The following RGS7 variants were observed in gnomAD, a reference collection of about 807,000 sequenced individuals.
RGS7 encodes the protein regulator of G-protein signaling 7.
Under a neutral mutation model 81.1 loss-of-function variants are expected in RGS7, and 27 were observed. The ratio of observed to expected loss-of-function variants is 0.33; its 90% CI spans 0.25 to 0.46. The LOEUF (loss-of-function observed/expected upper bound fraction) is 0.46, where lower values mean the gene tolerates loss of function less well. Among genes scored for constraint, RGS7 ranks in the 20% least tolerant of loss-of-function variants. The pLI, the probability that RGS7 is intolerant of heterozygous loss-of-function variation, is 1.00. For missense variants in RGS7, 396 were observed against 607.4 expected, an observed-to-expected ratio of 0.65 and a Z score of 3.66; for synonymous variants, 208 against 207.7, an observed-to-expected ratio of 1.00 and a Z score of -0.01.
At chr1:240,936,924 T>C (rs1168466693) in intron 4 of RGS7, among the ~76,000 whole-genome samples, 1 of 152,150 alleles carries the variant, frequency 6.6e-6, no homozygotes, top group East Asian at 1.9e-4. Flanking sequence ...CCAGTCCCAG[T>C]CTGTAACTCA....
intron 4 of RGS7, among the ~76,000 whole-genome samples, chr1:240,972,696 T>TAA (rs34149848): frequency 2.9e-5 from 3 of 103,614 alleles, no homozygotes; most frequent in African/African-American, 7.5e-5. Context: ...TAAAGTATAA[T>TAA]AAAAAAAAAA....
chr1:240,864,569 C>T (rs551967605), intron 9 of RGS7, among the ~76,000 whole-genome samples: 11 of 152,258 alleles, frequency 7.2e-5, no homozygotes, highest in South Asian at 2.1e-4. Context: ...CTAAGTCTTG[C>T]GTTCCTGCAC....
intron 15 of RGS7, among the ~76,000 whole-genome samples, chr1:240,804,868 G>T (rs1248533663): frequency 1.3e-5 from 2 of 152,094 alleles, no homozygotes; most frequent in Non-Finnish European, 2.9e-5. Flanking sequence ...CTACACAGTT[G>T]CTGATTTCTT....
At chr1:241,329,719 G>C (rs1454614473) in intron 2 of RGS7, among the ~76,000 whole-genome samples, 1 of 152,142 alleles carries the variant, frequency 6.6e-6, no homozygotes, top group Non-Finnish European at 1.5e-5. Flanking sequence ...GCTGTCCTCA[G>C]TACCAGGTAA....
intron 2 of RGS7, among the ~76,000 whole-genome samples, chr1:241,198,471 A>G (rs559088705): frequency 1.3e-5 from 2 of 152,166 alleles, no homozygotes; most frequent in East Asian, 1.9e-4. Context: ...AAAAAGGCAG[A>G]AAAAAATCCA....
chr1:240,996,923 T>C (rs188020760), intron 3 of RGS7, among the ~76,000 whole-genome samples: 47 of 152,262 alleles, frequency 3.1e-4, no homozygotes, highest in Middle Eastern at 3.4e-3. Flanking sequence ...TTAATATTTT[T>C]TAAAATCCAT....
intron 2 of RGS7, among the ~76,000 whole-genome samples, chr1:241,118,746 A>C (rs147063580): frequency 2.8e-3 from 430 of 152,298 alleles, no homozygotes; most frequent in Middle Eastern, 0.02. Context: ...TCCCAGCAAC[A>C]TGGAGGAGAG....
chr1:240,900,496 T>C (rs769293207), intron 6 of RGS7, among the ~76,000 whole-genome samples: 9 of 152,298 alleles, frequency 5.9e-5, no homozygotes, highest in Middle Eastern at 3.4e-3. Flanking sequence ...TTCTGTTTGT[T>C]AGTTTTCCCT....
intron 2 of RGS7, among the ~76,000 whole-genome samples, chr1:241,351,737 G>A (rs1558350868): frequency 6.6e-6 from 1 of 152,180 alleles, no homozygotes; most frequent in African/African-American, 2.4e-5. Context: ...ATAGGAGAAA[G>A]GTGAGGGGAA....
chr1:241,312,477 C>T (rs2080600818), intron 2 of RGS7, among the ~76,000 whole-genome samples: 1 of 152,208 alleles, frequency 6.6e-6, no homozygotes, highest in African/African-American at 2.4e-5. Context: ...ATTCTTCCCA[C>T]AGTGTTTCAA....
intron 2 of RGS7, among the ~76,000 whole-genome samples, chr1:241,114,472 G>T (rs1254149563): frequency 6.6e-6 from 1 of 151,548 alleles, no homozygotes; most frequent in Non-Finnish European, 1.5e-5. Flanking sequence ...TTTTCATTTT[G>T]GTGACCTTCA....
At chr1:240,993,102 G>GGAGGGAGA (rs1686723032) in intron 3 of RGS7, among the ~76,000 whole-genome samples, 1 of 114,102 alleles carries the variant, frequency 8.8e-6, no homozygotes, top group South Asian at 3.5e-4. Context: ...AAGGAGGGAG[G>GGAGGGAGA]GAGGGAGGGA....
At chr1:241,194,812 T>C (rs957117140) in intron 2 of RGS7, among the ~76,000 whole-genome samples, 6 of 152,142 alleles carry the variant, frequency 3.9e-5, no homozygotes, top group Non-Finnish European at 8.8e-5. Flanking sequence ...CCAAAGCAGT[T>C]ACTAAAGGCT....
At chr1:241,035,414 C>T (rs531329741) in intron 3 of RGS7, among the ~76,000 whole-genome samples, 64 of 151,952 alleles carry the variant, frequency 4.2e-4, no homozygotes, top group Non-Finnish European at 7.1e-4. Context: ...TATAGGAATT[C>T]GGAGAAGGGA....
chr1:241,124,336 A>G (rs2066501475), intron 2 of RGS7, among the ~76,000 whole-genome samples: 4 of 152,102 alleles, frequency 2.6e-5, no homozygotes. Flanking sequence ...TTGAGGCTGC[A>G]GTGAACTCCA....
chr1:241,292,956 A>G (rs1351920815), intron 2 of RGS7, among the ~76,000 whole-genome samples: 1 of 152,240 alleles, frequency 6.6e-6, no homozygotes, highest in Non-Finnish European at 1.5e-5. Flanking sequence ...GTTCTCAAAT[A>G]CCATTAAACG....
intron 5 of RGS7, among the ~76,000 whole-genome samples, chr1:240,932,513 C>CTTTTTTTT (rs56232293): frequency 0.54 from 68,243 of 126,706 alleles, 20,196 homozygotes; most frequent in Middle Eastern, 0.62. Flanking sequence ...TAGGGTGTCA[C>CTTTTTTTT]TTTTTTTTTT....
chr1:240,974,907 G>GA (rs138869199), intron 4 of RGS7, among the ~76,000 whole-genome samples: 1,674 of 142,028 alleles, frequency 0.012, 18 homozygotes, highest in African/African-American at 0.026. Context: ...CAGAGGAAGG[G>GA]AAAAAAAAAA....
intron 9 of RGS7, among the ~76,000 whole-genome samples, chr1:240,863,758 G>A (rs2995378): frequency 0.74 from 112,592 of 151,814 alleles, 41,960 homozygotes; most frequent in Middle Eastern, 0.83. Flanking sequence ...TGTGAAAACC[G>A]TTTTAAAATA....
Sources: allele counts gnomAD v4.1 joint callset (sites outside exome capture counted in the v4.1 genomes callset), GRCh38; gene constraint gnomAD v4.1.1; transcripts MANE v1.5; gene names NCBI Gene and HGNC (gene_info 2026-07-23, HGNC 2026-07-21).